The following CHODL variants were observed in gnomAD, a reference collection of about 807,000 sequenced individuals.
CHODL encodes chondrolectin.
A neutral mutation model predicts 34.5 loss-of-function variants in CHODL; 29 were observed. The ratio of observed to expected loss-of-function variants is 0.84; its 90% CI spans 0.63 to 1.15. The LOEUF (loss-of-function observed/expected upper bound fraction) is 1.15. Ranked by LOEUF, CHODL falls within the 50% of genes most tolerant of loss-of-function variation. The pLI, the probability that CHODL is intolerant of heterozygous loss-of-function variation, is 0.00. For synonymous variants in CHODL, 125 were observed against 116.1 expected, an observed-to-expected ratio of 1.08 and a Z score of -0.49; for missense variants, 332 against 332.5, an observed-to-expected ratio of 1.00 and a Z score of 0.01.
At chr21:18,257,786 A>G (rs1165777109) in intron 3 of CHODL, among the ~76,000 whole-genome samples, 2 of 152,206 alleles carry the variant, frequency 1.3e-5, no homozygotes, top group East Asian at 1.9e-4. Flanking sequence ...CTATACTGGC[A>G]TGGGTTCTGG....
chr21:18,100,536 G>C (rs947483605), intron 2 of CHODL, among the ~76,000 whole-genome samples: 1 of 152,110 alleles, frequency 6.6e-6, no homozygotes, highest in Non-Finnish European at 1.5e-5. Context: ...AATGTTCATA[G>C]ATAAGTATTG....
intron 1 of CHODL, among the ~76,000 whole-genome samples, chr21:17,971,938 C>T (rs542342997): frequency 6.6e-6 from 1 of 152,302 alleles, no homozygotes; most frequent in East Asian, 1.9e-4. Flanking sequence ...CTGAATCCAG[C>T]AGCTCATCAA....
intron 1 of CHODL, among the ~76,000 whole-genome samples, chr21:17,928,533 G>T (rs903485451): frequency 1.3e-5 from 2 of 152,182 alleles, no homozygotes; most frequent in Non-Finnish European, 2.9e-5. Flanking sequence ...GCTGAGCATG[G>T]TACGTTTTAG....
intron 2 of CHODL, among the ~76,000 whole-genome samples, chr21:18,135,433 G>A (rs1455121418): frequency 6.6e-6 from 1 of 151,754 alleles, no homozygotes; most frequent in Non-Finnish European, 1.5e-5. Flanking sequence ...CAGTTGCTTC[G>A]ATGGAAGCAA....
intron 2 of CHODL, among the ~76,000 whole-genome samples, chr21:18,204,194 A>T (rs1376168141): frequency 6.6e-6 from 1 of 152,122 alleles, no homozygotes; most frequent in Non-Finnish European, 1.5e-5. Flanking sequence ...AAATGAAAGA[A>T]CTCATAGCAA....
At chr21:18,145,962 T>G (rs570486149) in intron 2 of CHODL, among the ~76,000 whole-genome samples, 2 of 144,106 alleles carry the variant, frequency 1.4e-5, no homozygotes, top group East Asian at 2.1e-4. Flanking sequence ...GGTTTTGTTT[T>G]TTGTTGTTGT....
intron 5 of CHODL, among the ~76,000 whole-genome samples, chr21:18,264,563 C>T (rs980998529): frequency 5.0e-5 from 7 of 141,396 alleles, no homozygotes; most frequent in Non-Finnish European, 1.0e-4. Flanking sequence ...GATCAGGCCA[C>T]TGTACTCCAG....
intron 2 of CHODL, among the ~76,000 whole-genome samples, chr21:18,127,257 C>T (rs1027933954): frequency 1.3e-4 from 20 of 152,000 alleles, no homozygotes; most frequent in African/African-American, 3.4e-4. Context: ...ATATACTAAA[C>T]GCCACTGAAT....
chr21:17,971,757 G>A (rs1339003036), intron 1 of CHODL, among the ~76,000 whole-genome samples: 1 of 151,996 alleles, frequency 6.6e-6, no homozygotes, highest in African/African-American at 2.4e-5. Flanking sequence ...CTTCTGAAAT[G>A]GTTCCAAACA....
At chr21:18,227,654 A>G (rs988368567) in intron 2 of CHODL, among the ~76,000 whole-genome samples, 1 of 152,174 alleles carries the variant, frequency 6.6e-6, no homozygotes, top group African/African-American at 2.4e-5. Context: ...GGAAATTGAT[A>G]TGTCCAGGTC....
At chr21:17,961,245 A>C (rs1001335822) in intron 1 of CHODL, among the ~76,000 whole-genome samples, 1 of 152,328 alleles carries the variant, frequency 6.6e-6, no homozygotes, top group Admixed American at 6.5e-5. Context: ...TTTATGCCTG[A>C]GAATTAAGCT....
chr21:18,217,595 A>G (rs1228732609), intron 2 of CHODL, among the ~76,000 whole-genome samples: 4 of 152,130 alleles, frequency 2.6e-5, no homozygotes, highest in Non-Finnish European at 5.9e-5. Flanking sequence ...GCCAAACCAT[A>G]TCATGTCACC....
intron 2 of CHODL, among the ~76,000 whole-genome samples, chr21:18,221,107 T>C (rs985849822): frequency 6.6e-6 from 1 of 152,172 alleles, no homozygotes; most frequent in Non-Finnish European, 1.5e-5. Flanking sequence ...TTTAGTCTAA[T>C]TGGATTATTC....
Position 18,038,794 on chromosome 21 carries a change from A to T in CHODL, c.-45+10823A>T, listed in dbSNP as rs145566954. On this transcript the variant is annotated intron_variant, in intron 2 of 6. Transcript: ENST00000400127. ...ATTAAAAATCAAGTAAAATGACTTG[A>T]TGTAAGATTTGGGGTATTTTAGATA... 1.2e-4 allele frequency among the ~76,000 whole-genome samples: 18 copies of T among 151,806 alleles called. No homozygotes were observed. The East Asian group carries it at 3.5e-3, about 30-fold the overall frequency.
At chr21:18,194,182 G>A (rs2073552985) in intron 2 of CHODL, among the ~76,000 whole-genome samples, 1 of 152,160 alleles carries the variant, frequency 6.6e-6, no homozygotes, top group South Asian at 2.1e-4. Context: ...AAGAAACTGT[G>A]AAAAATTATC....
At chr21:18,201,335 TTAA>T (rs2073649679) in intron 2 of CHODL, among the ~76,000 whole-genome samples, 1 of 152,182 alleles carries the variant, frequency 6.6e-6, no homozygotes, top group Admixed American at 6.5e-5. Context: ...AATTTTTATT[TTAA>T]TAAACTCTTA....
intron 1 of CHODL, among the ~76,000 whole-genome samples, chr21:17,994,382 C>T (rs923133288): frequency 2.6e-5 from 4 of 152,152 alleles, no homozygotes; most frequent in African/African-American, 9.7e-5. Flanking sequence ...ATCCTCAAGT[C>T]CTCCAGCAGC....
chr21:18,110,319 C>T (rs1209535530), intron 2 of CHODL, among the ~76,000 whole-genome samples: 1 of 152,122 alleles, frequency 6.6e-6, no homozygotes, highest in Non-Finnish European at 1.5e-5. Flanking sequence ...CCACACTTTT[C>T]ATTGAGAGGT....
chr21:18,245,334 G>T, intron 1 of CHODL, 32 bp downstream of exon 1: 1 of 1,486,022 alleles, frequency 6.7e-7, no homozygotes, highest in South Asian at 1.3e-5. Context: ...CGAAGAACGA[G>T]CGGGGAGAGG....
Sources: gnomAD v4.1 joint callset for allele counts (sites outside exome capture counted in the v4.1 genomes callset) on GRCh38, gnomAD v4.1.1 for gene constraint, MANE v1.5 for transcripts, NCBI Gene and HGNC (gene_info 2026-07-23, HGNC 2026-07-21) for gene names.